IGF2BP3: variants seen among roughly 807,000 people sequenced by gnomAD.
The protein encoded by IGF2BP3 is insulin-like growth factor 2 mRNA-binding protein 3.
IGF2BP3 carries 9 observed loss-of-function variants against 73.8 expected under a neutral mutation model. The ratio of observed to expected loss-of-function variants is 0.12; its 90% CI spans 0.07 to 0.21. The LOEUF (loss-of-function observed/expected upper bound fraction) is 0.21, where lower values mean the gene tolerates loss of function less well. IGF2BP3 is among the 10% of genes least tolerant of loss of function. IGF2BP3 has a pLI of 1.00. For missense variants in IGF2BP3, 542 were observed against 714.0 expected, an observed-to-expected ratio of 0.76 and a Z score of 2.75; for synonymous variants, 258 against 256.7, an observed-to-expected ratio of 1.01 and a Z score of -0.05.
intron 3 of IGF2BP3, among the ~76,000 whole-genome samples, chr7:23,412,842 CTTTTTTTTTTTTTTTTTT>C (rs557467066): frequency 0.017 from 617 of 37,098 alleles, 16 homozygotes; most frequent in Non-Finnish European, 0.021. Flanking sequence ...AGACTCTGGC[CTTTTTTTTTTTTTTTTTT>C]TTTTTTTTTT....
chr7:23,449,183 C>G (rs953749779), intron 2 of IGF2BP3, among the ~76,000 whole-genome samples: 1 of 151,670 alleles, frequency 6.6e-6, no homozygotes. Context: ...GCATAAAATC[C>G]TCACTTGCTC....
At chr7:23,404,764 T>TG (rs1460590530) in intron 3 of IGF2BP3, among the ~76,000 whole-genome samples, 1 of 67,326 alleles carries the variant, frequency 1.5e-5, no homozygotes, top group Non-Finnish European at 3.0e-5. Flanking sequence ...AAGTGGGGGG[T>TG]GGGGGTGGGG....
chr7:23,467,261 C>CTG (rs906370169), intron 2 of IGF2BP3, among the ~76,000 whole-genome samples: 1 of 152,212 alleles, frequency 6.6e-6, no homozygotes, highest in African/African-American at 2.4e-5. Context: ...GAGCTGAAAT[C>CTG]TACACAGGCA....
chr7:23,417,513 A>G (rs983300070), intron 3 of IGF2BP3, among the ~76,000 whole-genome samples: 3 of 152,238 alleles, frequency 2.0e-5, no homozygotes, highest in African/African-American at 7.2e-5. Flanking sequence ...GAATGAATTA[A>G]AAGGAAACTC....
At chr7:23,371,233 G>A (rs1032987987) in intron 3 of IGF2BP3, among the ~76,000 whole-genome samples, 1 of 151,986 alleles carries the variant, frequency 6.6e-6, no homozygotes, top group Admixed American at 6.6e-5. Context: ...CTAGAAAGGA[G>A]TCACCTTGAC....
intron 5 of IGF2BP3, 71 bp downstream of exon 5, chr7:23,361,463 G>A (rs879190906): frequency 1.5e-6 from 2 of 1,332,604 alleles, no homozygotes; most frequent in Non-Finnish European, 2.1e-6. Context: ...TCTCAGTTGA[G>A]AAATCCGCAA....
chr7:23,319,880 C>T (rs774938686), intron 10 of IGF2BP3, among the ~76,000 whole-genome samples: 5 of 152,172 alleles, frequency 3.3e-5, no homozygotes, highest in Non-Finnish European at 7.3e-5. Flanking sequence ...TGCTTTCCCA[C>T]AGAATTCCTT....
chr7:23,372,575 G>A (rs572907669), intron 3 of IGF2BP3, among the ~76,000 whole-genome samples: 1 of 152,160 alleles, frequency 6.6e-6, no homozygotes, highest in East Asian at 1.9e-4. Flanking sequence ...AGCATACGAC[G>A]TTTGGTTTTT....
intron 2 of IGF2BP3, among the ~76,000 whole-genome samples, chr7:23,462,755 A>G (rs1274566848): frequency 2.0e-5 from 3 of 152,246 alleles, no homozygotes; most frequent in Non-Finnish European, 4.4e-5. Flanking sequence ...TATGTACTAC[A>G]AAGTAGTCCC....
Position 23,470,116 on chromosome 7 carries a change from A to T in IGF2BP3, c.-6T>A, listed in dbSNP as rs1407657383. On this transcript the variant is annotated 5_prime_UTR_variant, in exon 1 of 15. Transcript: ENST00000258729. Reference sequence around the variant, plus strand: ...CCGATATACAGTTTGTTCATTGTGAAGAGTGGTTGTTTAAAAAAAAATAAC... The same window carrying T: ...CCGATATACAGTTTGTTCATTGTGATGAGTGGTTGTTTAAAAAAAAATAAC... 1 of 1,587,190 alleles carries T rather than the reference A, an allele frequency of 6.3e-7. No homozygotes were observed. The highest frequency in any genetic ancestry group is 1.4e-5 in the African/African-American group (1 of 73,376).
At chr7:23,452,799 TC>T (rs1788232074) in intron 2 of IGF2BP3, among the ~76,000 whole-genome samples, 1 of 87,618 alleles carries the variant, frequency 1.1e-5, no homozygotes, top group Non-Finnish European at 2.3e-5. Context: ...GAGACTCATC[TC>T]AAAAAAAAAA....
intron 3 of IGF2BP3, among the ~76,000 whole-genome samples, chr7:23,417,360 C>CACTA (rs1787221072): frequency 6.6e-6 from 1 of 152,058 alleles, no homozygotes; most frequent in African/African-American, 2.4e-5. Flanking sequence ...AGAGATAATC[C>CACTA]ACTAACTTGA....
intron 2 of IGF2BP3, among the ~76,000 whole-genome samples, chr7:23,453,579 T>A (rs1015297494): frequency 1.3e-5 from 2 of 152,212 alleles, no homozygotes; most frequent in Non-Finnish European, 1.5e-5. Context: ...TGCTTACAGA[T>A]TACACAAAGC....
chr7:23,341,916 T>C, intron 10 of IGF2BP3, 148 bp downstream of exon 10: 1 of 778,426 alleles, frequency 1.3e-6, no homozygotes, highest in Non-Finnish European at 1.8e-6. Flanking sequence ...AATAATCCCA[T>C]GTCTACTCCA....
chr7:23,352,334 G>A (rs1784985816), intron 5 of IGF2BP3, among the ~76,000 whole-genome samples: 1 of 137,790 alleles, frequency 7.3e-6, no homozygotes, highest in African/African-American at 2.7e-5. Flanking sequence ...TGTTACCCAG[G>A]CTGGAGCGCA....
intron 2 of IGF2BP3, among the ~76,000 whole-genome samples, chr7:23,438,634 C>A (rs1787859517): frequency 6.6e-6 from 1 of 152,000 alleles, no homozygotes; most frequent in African/African-American, 2.4e-5. Flanking sequence ...TTTTTTAATT[C>A]CTTTCTACTG....
chr7:23,343,569 A>G (rs777697369), intron 9 of IGF2BP3, 149 bp downstream of exon 9: 41 of 698,264 alleles, frequency 5.9e-5, no homozygotes, highest in Middle Eastern at 8.2e-4. Flanking sequence ...TATCTTCCCT[A>G]CTATCCCAGG....
intron 10 of IGF2BP3, among the ~76,000 whole-genome samples, chr7:23,339,749 C>T (rs188015551): frequency 1.3e-5 from 2 of 152,112 alleles, no homozygotes; most frequent in Non-Finnish European, 2.9e-5. Context: ...GGGTTAGATG[C>T]GAGCTTTCCT....
chr7:23,334,423 T>C (rs1784520822), intron 10 of IGF2BP3, among the ~76,000 whole-genome samples: 1 of 151,796 alleles, frequency 6.6e-6, no homozygotes, highest in Non-Finnish European at 1.5e-5. Context: ...GGCAGATAAT[T>C]TAAATTTTTA....
Sources: allele counts gnomAD v4.1 joint callset (sites outside exome capture counted in the v4.1 genomes callset), GRCh38; gene constraint gnomAD v4.1.1; transcripts MANE v1.5; gene names NCBI Gene and HGNC (gene_info 2026-07-23, HGNC 2026-07-21).